The following ANXA8 variants were observed in gnomAD, a reference collection of about 807,000 sequenced individuals.
ANXA8 encodes annexin A8.
In ANXA8, 9 loss-of-function variants were observed where a neutral mutation model predicts 26.8. The ratio of observed to expected loss-of-function variants is 0.34; its 90% confidence interval spans 0.20 to 0.59. ANXA8 has a LOEUF of 0.59. Among genes scored for constraint, ANXA8 ranks in the 20% least tolerant of loss-of-function variants. The pLI is 0.84. For synonymous variants in ANXA8, 39 were observed against 94.8 expected (o/e 0.41, Z 3.42); for missense variants, 83 against 238.5 (o/e 0.35, Z 4.29).
the ANXA8 span, among the ~76,000 whole-genome samples, chr10:47,700,626 G>A: frequency 1.3e-5 from 2 of 150,502 alleles, no homozygotes; most frequent in Non-Finnish European, 1.5e-5. Flanking sequence ...CAGAATCCAG[G>A]GGCAGTAGAA....
At chr10:47,557,483 T>G in the ANXA8 span, among the ~76,000 whole-genome samples, 1 of 149,700 alleles carries the variant, frequency 6.7e-6, no homozygotes, top group South Asian at 2.1e-4. Context: ...TACGCTACAT[T>G]ATTGTGGATT....
chr10:47,694,984 C>T, the ANXA8 span, among the ~76,000 whole-genome samples: 76 of 151,910 alleles, frequency 5.0e-4, no homozygotes, highest in Non-Finnish European at 8.4e-4. Context: ...CCAGGGCGGG[C>T]TACCCATCCC....
At chr10:47,502,453 G>A in the ANXA8 span, 50 of 1,612,540 alleles carry the variant, frequency 3.1e-5, no homozygotes, top group African/African-American at 1.1e-4. Context: ...CTCTTCCCTC[G>A]TGGACTTTAT....
the ANXA8 span, among the ~76,000 whole-genome samples, chr10:47,587,861 C>T: frequency 4.1e-5 from 6 of 146,050 alleles, no homozygotes; most frequent in Non-Finnish European, 1.5e-5. Context: ...CCTGTTTGTC[C>T]AACAGCGATT....
the ANXA8 span, chr10:47,503,253 T>C: frequency 6.5e-7 from 1 of 1,544,962 alleles, no homozygotes; most frequent in Admixed American, 1.8e-5. Context: ...ATTTTCCACT[T>C]CGCTTTAAGA....
intron 7 of ANXA8, 138 bp downstream of exon 7, chr10:47,474,807 A>T: frequency 9.0e-7 from 1 of 1,107,286 alleles, no homozygotes; most frequent in Non-Finnish European, 1.3e-6. Context: ...TCCTCCCCAG[A>T]CACCACAGGA....
At chr10:47,744,566 C>A in the ANXA8 span, among the ~76,000 whole-genome samples, 2 of 151,506 alleles carry the variant, frequency 1.3e-5, no homozygotes, top group East Asian at 3.9e-4. Flanking sequence ...AATAAAGCTA[C>A]AAGTGGAGAG....
At chr10:47,624,043 T>C in the ANXA8 span, among the ~76,000 whole-genome samples, 1 of 99,924 alleles carries the variant, frequency 1.0e-5, no homozygotes, top group Non-Finnish European at 2.1e-5. Flanking sequence ...GAGACCATCC[T>C]GGCTAACATG....
At chr10:47,656,307 AG>A in the ANXA8 span, among the ~76,000 whole-genome samples, 1 of 151,542 alleles carries the variant, frequency 6.6e-6, no homozygotes, top group African/African-American at 2.4e-5. Context: ...CTGAGGTGGG[AG>A]GATCTCTTGA....
chr10:47,975,278 G>A, the ANXA8 span, among the ~76,000 whole-genome samples: 1 of 149,602 alleles, frequency 6.7e-6, no homozygotes. Context: ...GCGAAAGAAT[G>A]CCATGTTCAA....
At chr10:47,684,668 T>C in the ANXA8 span, among the ~76,000 whole-genome samples, 294 of 151,460 alleles carry the variant, frequency 1.9e-3, 1 homozygote, top group Non-Finnish European at 3.1e-3. Context: ...TCACTGCAAC[T>C]TCCACCTCCT....
At chr10:47,888,917 C>T in the ANXA8 span, among the ~76,000 whole-genome samples, 1 of 66,894 alleles carries the variant, frequency 1.5e-5, no homozygotes, top group Non-Finnish European at 3.0e-5. Flanking sequence ...CCTAGGTTTC[C>T]TATTTTATTT....
the ANXA8 span, among the ~76,000 whole-genome samples, chr10:47,946,234 G>A: frequency 1.9e-4 from 28 of 148,626 alleles, no homozygotes; most frequent in Non-Finnish European, 1.3e-4. Context: ...AAATATCATA[G>A]CCAGTAAAAT....
At chr10:47,632,013 G>T in the ANXA8 span, among the ~76,000 whole-genome samples, 1 of 152,310 alleles carries the variant, frequency 6.6e-6, no homozygotes, top group South Asian at 2.1e-4. Context: ...TTAAAGATTA[G>T]GTTGATAAAT....
chr10:47,722,638 A>G, the ANXA8 span, among the ~76,000 whole-genome samples: 22 of 140,714 alleles, frequency 1.6e-4, 5 homozygotes, highest in Non-Finnish European at 2.3e-4. Flanking sequence ...TGTTCTCACA[A>G]AGTGGCAGCT....
At chr10:47,590,562 C>T in the ANXA8 span, among the ~76,000 whole-genome samples, 4 of 146,308 alleles carry the variant, frequency 2.7e-5, 1 homozygote, top group African/African-American at 5.6e-5. Context: ...TGCATTGCAG[C>T]TGCTATAATT....
At chr10:47,549,002 T>C in the ANXA8 span, among the ~76,000 whole-genome samples, 1 of 152,292 alleles carries the variant, frequency 6.6e-6, no homozygotes, top group Non-Finnish European at 1.5e-5. Context: ...TTTGTACATA[T>C]ATATGTATGA....
At chr10:47,898,811 A>ATT in the ANXA8 span, among the ~76,000 whole-genome samples, 152 of 56,236 alleles carry the variant, frequency 2.7e-3, 14 homozygotes, top group East Asian at 0.013. Flanking sequence ...AAGAGAATGG[A>ATT]TTTTTTTTTT....
At chr10:47,981,307 A>G in the ANXA8 span, among the ~76,000 whole-genome samples, 3 of 143,600 alleles carry the variant, frequency 2.1e-5, no homozygotes, top group Non-Finnish European at 4.6e-5. Context: ...GAAATCTAAT[A>G]AAGAACATCT....
Sources: allele counts gnomAD v4.1 joint callset (sites outside exome capture counted in the v4.1 genomes callset), GRCh38; gene constraint gnomAD v4.1.1; transcripts MANE v1.5; gene names NCBI Gene and HGNC (gene_info 2026-07-23, HGNC 2026-07-21).